Variants in LGR4 observed in about 807,000 individuals in gnomAD.
The protein encoded by LGR4 is leucine rich repeat containing G protein-coupled receptor 4.
Under a neutral mutation model 84.8 loss-of-function variants are expected in LGR4, and 44 were observed. The ratio of observed to expected loss-of-function variants is 0.52; its 90% CI spans 0.41 to 0.67. LGR4 has a LOEUF of 0.67. Among genes scored for constraint, LGR4 ranks in the 30% least tolerant of loss-of-function variants. LGR4 has a pLI of 0.00. For missense variants in LGR4, 1,032 were observed against 1,131.4 expected (o/e 0.91, Z 1.26); for synonymous variants, 429 against 434.3 (o/e 0.99, Z 0.15).
chr11:27,427,038 C>G (rs371793884), intron 1 of LGR4, among the ~76,000 whole-genome samples: 2 of 152,246 alleles, frequency 1.3e-5, no homozygotes, highest in East Asian at 3.9e-4. Context: ...AAAAACAGTA[C>G]TACCTGTACC....
intron 2 of LGR4, among the ~76,000 whole-genome samples, chr11:27,395,918 A>G (rs1385709578): frequency 6.6e-6 from 1 of 152,224 alleles, no homozygotes; most frequent in Non-Finnish European, 1.5e-5. Context: ...GCTCAGATTC[A>G]GAAAAGAGCA....
At chr11:27,470,168 C>T (rs1300963760) in intron 1 of LGR4, among the ~76,000 whole-genome samples, 1 of 152,176 alleles carries the variant, frequency 6.6e-6, no homozygotes, top group East Asian at 1.9e-4. Flanking sequence ...AGTTTAGGCA[C>T]TCTAATTGAG....
chr11:27,377,046 G>T (rs538067206), intron 12 of LGR4, 112 bp downstream of exon 12: 10 of 613,708 alleles, frequency 1.6e-5, no homozygotes, highest in African/African-American at 1.5e-4. Flanking sequence ...GGGAACATCT[G>T]ATTACAGGAA....
In LGR4 at chr11:27,367,842, G is replaced by A. The variant is rs1367184389; in HGVS notation, c.*25C>T. On this transcript the variant is annotated 3_prime_UTR_variant, in exon 18 of 18. Coordinates refer to ENST00000379214, the MANE Select transcript of LGR4 (RefSeq NM_018490.5). ...TATAAACACTGATTTTGGTTGACGGGGGAAACGGTTACACACACAGTAGTT... is the reference window on the plus strand; with the variant it reads ...TATAAACACTGATTTTGGTTGACGGAGGAAACGGTTACACACACAGTAGTT... 1 of 1,528,208 alleles carries A rather than the reference G, an allele frequency of 6.5e-7. No individual in the cohort carries two copies. Among genetic ancestry groups the A allele is most frequent in the South Asian group, 1.3e-5 (1 of 77,934 alleles). 94.7% of individuals were successfully genotyped at this position (1,528,208 alleles called of 1,614,324 possible).
chr11:27,472,366 T>TC lies in LGR4; in HGVS notation c.-65dup. On this transcript the variant is annotated 5_prime_UTR_variant, in exon 1 of 18. Transcript: ENST00000379214. ...CTGCTCGCTCCGCTGCCCTCCGATGTCCCCCGCCGCCCCCGGGCAGCCGGC... is the reference window on the plus strand; with the variant it reads ...CTGCTCGCTCCGCTGCCCTCCGATGTCCCCCCGCCGCCCCCGGGCAGCCGGC... 1.7e-6 allele frequency: 2 copies of TC among 1,143,774 alleles called. No homozygotes were observed. The highest frequency in any genetic ancestry group is 4.3e-5 in the South Asian group (1 of 22,990). 70.9% of individuals were successfully genotyped at this position (1,143,774 alleles called of 1,614,324 possible). A position where few individuals can be genotyped will look rare whatever the true frequency, so the allele number is the denominator to read the frequency against.
chr11:27,402,674 A>G (rs1379782517), intron 2 of LGR4, among the ~76,000 whole-genome samples: 1 of 152,204 alleles, frequency 6.6e-6, no homozygotes, highest in Non-Finnish European at 1.5e-5. Flanking sequence ...CCTGTTTCCC[A>G]GCATCCCCTG....
intron 1 of LGR4, among the ~76,000 whole-genome samples, chr11:27,420,673 A>G (rs776510444): frequency 6.6e-6 from 1 of 152,088 alleles, no homozygotes; most frequent in Non-Finnish European, 1.5e-5. Flanking sequence ...ACACACCTAT[A>G]TATGTATATG....
chr11:27,444,986 C>G (rs1249363766), intron 1 of LGR4, among the ~76,000 whole-genome samples: 1 of 152,132 alleles, frequency 6.6e-6, no homozygotes, highest in African/African-American at 2.4e-5. Flanking sequence ...TCAATCCAAT[C>G]CATCAAGTGG....
intron 1 of LGR4, among the ~76,000 whole-genome samples, chr11:27,437,362 C>A (rs1171544966): frequency 6.6e-6 from 1 of 151,798 alleles, no homozygotes; most frequent in Non-Finnish European, 1.5e-5. Flanking sequence ...TTGAACAGAC[C>A]AAAGACATGC....
chr11:27,386,177 G>T (rs910493128), intron 4 of LGR4, among the ~76,000 whole-genome samples: 1 of 152,208 alleles, frequency 6.6e-6, no homozygotes, highest in Middle Eastern at 3.4e-3. Flanking sequence ...GGCTTTAAAG[G>T]TTCTTCAATT....
At chr11:27,469,090 T>C (rs1864827427) in intron 1 of LGR4, among the ~76,000 whole-genome samples, 1 of 152,158 alleles carries the variant, frequency 6.6e-6, no homozygotes, top group African/African-American at 2.4e-5. Context: ...TCGGGGTGAA[T>C]TGTGACAGGC....
intron 1 of LGR4, among the ~76,000 whole-genome samples, chr11:27,469,812 G>A (rs754712131): frequency 6.6e-6 from 1 of 152,172 alleles, no homozygotes; most frequent in African/African-American, 2.4e-5. Flanking sequence ...GTAAAGCTGC[G>A]ATGGGAGAGC....
At chr11:27,410,069 T>C (rs1863682252) in intron 2 of LGR4, among the ~76,000 whole-genome samples, 1 of 152,186 alleles carries the variant, frequency 6.6e-6, no homozygotes, top group Admixed American at 6.6e-5. Context: ...GAAATGTGGC[T>C]AGTTCAACTA....
chr11:27,455,350 T>G (rs191361418), intron 1 of LGR4, among the ~76,000 whole-genome samples: 80 of 152,162 alleles, frequency 5.3e-4, no homozygotes, highest in Non-Finnish European at 1.0e-3. Flanking sequence ...CAGCTCTTAA[T>G]AGAGAAGTAC....
chr11:27,431,557 C>T (rs985281252), intron 1 of LGR4, among the ~76,000 whole-genome samples: 1 of 152,192 alleles, frequency 6.6e-6, no homozygotes, highest in South Asian at 2.1e-4. Context: ...ACACCATGGA[C>T]GTTTAAATGG....
chr11:27,467,099 A>T (rs1864789959), intron 1 of LGR4, among the ~76,000 whole-genome samples: 1 of 151,910 alleles, frequency 6.6e-6, no homozygotes, highest in African/African-American at 2.4e-5. Flanking sequence ...AGTCTTAAGA[A>T]TTGCTCAGAT....
rs1361927305 is a variant in LGR4, at chr11:27,368,920, G to C, written c.1803C>G (p.Ser601=). ...TGCCAAATTCAGCGAATCTGCCCCA[G>C]GACACAGCATCAAGAAAAGTTAGGA... ...TGILTFLDAV[S]WGRFAEFGIW... is the part of the protein sequence containing the mutation. Residue 601 remains serine (S), a synonymous_variant, in exon 18 of 18, where the codon TCC becomes TCG. Transcript: ENST00000379214. 6.2e-7 allele frequency: 1 copy of C among 1,614,100 alleles called. No individual in the cohort carries two copies. The highest frequency in any genetic ancestry group is 1.7e-5 in the Admixed American group (1 of 60,010).
At position 27,366,163 on chromosome 11, in the gene LGR4, T is replaced by C. The variant is rs954663364; in HGVS notation, c.*1704A>G. 4 of 152,588 alleles carry C rather than the reference T, an allele frequency of 2.6e-5. No homozygotes were observed. The highest frequency in any genetic ancestry group is 5.9e-5 in the Non-Finnish European group (4 of 67,968). 9.5% of individuals were successfully genotyped at this position (152,588 alleles called of 1,614,324 possible). A position where few individuals can be genotyped will look rare whatever the true frequency, so the allele number is the denominator to read the frequency against. ...AAGTTATGATTTAATATTTATCAGA[T>C]GTGTAAATATACATGATAGCAATTT... On this transcript the variant is annotated 3_prime_UTR_variant, in exon 18 of 18. Coordinates refer to ENST00000379214, the MANE Select transcript of LGR4 (RefSeq NM_018490.5).
At chr11:27,440,578 T>C (rs1325027928) in intron 1 of LGR4, among the ~76,000 whole-genome samples, 1 of 152,186 alleles carries the variant, frequency 6.6e-6, no homozygotes, top group African/African-American at 2.4e-5. Context: ...TTTTGCATAC[T>C]TACATGTGGG....
Sources: gnomAD v4.1 joint callset for allele counts (sites outside exome capture counted in the v4.1 genomes callset) on GRCh38, gnomAD v4.1.1 for gene constraint, MANE v1.5 for transcripts, NCBI Gene and HGNC (gene_info 2026-07-23, HGNC 2026-07-21) for gene names.